TCF12: variants seen among roughly 807,000 people sequenced by gnomAD.
The protein encoded by TCF12 is DNA-binding protein HTF4.
In TCF12, 45 loss-of-function variants were observed where a neutral mutation model predicts 86.0. That is an observed-to-expected ratio of 0.52 (90% CI 0.41 to 0.67). The LOEUF is 0.67. Among genes scored for constraint, TCF12 ranks in the 30% least tolerant of loss-of-function variants. TCF12 has a pLI of 0.00. For missense variants in TCF12, 881 were observed against 859.9 expected, an observed-to-expected ratio of 1.02 and a Z score of -0.31; for synonymous variants, 330 against 299.6, an observed-to-expected ratio of 1.10 and a Z score of -1.05.
chr15:57,232,375 C>T lies in TCF12; in HGVS notation c.770C>T (p.Thr257Ile), dbSNP rs578210704. The T allele has an allele frequency of 6.2e-7, 1 of 1,613,700 alleles. No homozygotes were observed. The highest frequency in any genetic ancestry group is 1.7e-5 in the Admixed American group (1 of 59,942). The change falls in exon 10 of 21, where the codon ACT becomes ATT. Residue 257 changes from threonine to isoleucine, a missense_variant. Around this residue, in one of 3 missense-constraint regions of TCF12, gnomAD observed 766 missense variants for 718.9 expected, o/e 1.07. Coordinates refer to ENST00000333725, the MANE Select transcript of TCF12 (RefSeq NM_207037.2). ...TTTGGTGGAATTCTGGGGACCTCCACTTCCCACATGTCTCAATCCAGTAGT... is the reference window on the plus strand; with the variant it reads ...TTTGGTGGAATTCTGGGGACCTCCATTTCCCACATGTCTCAATCCAGTAGT... ...PGFGGILGTS[T>I]SHMSQSSSYG... is the part of the protein sequence containing the mutation.
intron 3 of TCF12, among the ~76,000 whole-genome samples, chr15:57,040,239 T>C (rs1396278202): frequency 6.6e-6 from 1 of 152,230 alleles, no homozygotes. Context: ...TTCTGAACCA[T>C]TAATTTATCG....
At chr15:57,219,578 C>T in intron 8 of TCF12, 1 of 1,613,210 alleles carries the variant, frequency 6.2e-7, no homozygotes, top group Non-Finnish European at 8.5e-7. Context: ...TGTATTACTA[C>T]AATGGGAAAA....
intron 18 of TCF12, among the ~76,000 whole-genome samples, chr15:57,268,738 T>G (rs1190550583): frequency 6.6e-6 from 1 of 152,112 alleles, no homozygotes; most frequent in South Asian, 2.1e-4. Context: ...TCTGATTATG[T>G]AGTCTATTTT....
intron 3 of TCF12, among the ~76,000 whole-genome samples, chr15:57,044,466 A>G (rs1341739953): frequency 2.0e-5 from 3 of 152,174 alleles, no homozygotes; most frequent in African/African-American, 7.2e-5. Context: ...ACTAGTTTTT[A>G]AAATGAACTT....
At chr15:57,058,128 A>T in intron 3 of TCF12, among the ~76,000 whole-genome samples, 1 of 152,200 alleles carries the variant, frequency 6.6e-6, no homozygotes, top group East Asian at 1.9e-4. Flanking sequence ...CCACCATATC[A>T]CTATATAGTT....
chr15:56,993,591 C>T (rs1273027604), intron 3 of TCF12, among the ~76,000 whole-genome samples: 1 of 152,258 alleles, frequency 6.6e-6, no homozygotes. Context: ...TATGAATTCC[C>T]TGAACTATAC....
intron 13 of TCF12, chr15:57,247,542 C>A: frequency 1.1e-6 from 1 of 922,206 alleles, no homozygotes; most frequent in Non-Finnish European, 1.8e-6. Flanking sequence ...GTTATAAAAG[C>A]AAATCCTGTC....
At chr15:57,025,980 C>T (rs1342355241) in intron 3 of TCF12, among the ~76,000 whole-genome samples, 1 of 152,204 alleles carries the variant, frequency 6.6e-6, no homozygotes, top group African/African-American at 2.4e-5. Flanking sequence ...AGTTAAAAAA[C>T]TGGGAATGGG....
intron 13 of TCF12, chr15:57,247,434 C>T (rs2059915717): frequency 1.4e-6 from 1 of 700,472 alleles, no homozygotes; most frequent in African/African-American, 1.7e-5. Flanking sequence ...GACTACATCT[C>T]TTGTTTAGAA....
At chr15:57,223,661 T>TTTTTG (rs2058728192) in intron 8 of TCF12, among the ~76,000 whole-genome samples, 4 of 142,602 alleles carry the variant, frequency 2.8e-5, no homozygotes, top group East Asian at 2.0e-4. Context: ...TTTTTTTTTT[T>TTTTTG]TTTTTTTTTT....
intron 6 of TCF12, among the ~76,000 whole-genome samples, chr15:57,172,170 G>C (rs1486865327): frequency 1.3e-5 from 2 of 152,066 alleles, no homozygotes; most frequent in African/African-American, 4.8e-5. Flanking sequence ...TAATAAAAGA[G>C]TTGATGTATC....
chr15:57,121,094 G>A (rs1163974837), intron 5 of TCF12, among the ~76,000 whole-genome samples: 3 of 152,304 alleles, frequency 2.0e-5, no homozygotes, highest in East Asian at 3.9e-4. Flanking sequence ...GAAACTGAAA[G>A]AAGTAGCATT....
intron 3 of TCF12, among the ~76,000 whole-genome samples, chr15:57,052,648 A>T (rs996694190): frequency 3.3e-5 from 5 of 152,050 alleles, no homozygotes; most frequent in African/African-American, 1.2e-4. Flanking sequence ...AAAAAAAAAA[A>T]AAAACCAAAA....
At chr15:56,975,968 A>G (rs1382237662) in intron 3 of TCF12, among the ~76,000 whole-genome samples, 1 of 151,780 alleles carries the variant, frequency 6.6e-6, no homozygotes, top group African/African-American at 2.4e-5. Context: ...AAAAACTAAT[A>G]GCTTGGCTAA....
At chr15:57,074,002 G>A (rs956364997) in intron 4 of TCF12, among the ~76,000 whole-genome samples, 7 of 151,968 alleles carry the variant, frequency 4.6e-5, no homozygotes, top group Non-Finnish European at 1.0e-4. Context: ...CGCCTGTCTC[G>A]TCCTCCCAAA....
intron 4 of TCF12, among the ~76,000 whole-genome samples, chr15:57,068,124 A>G (rs917868403): frequency 3.9e-5 from 6 of 152,156 alleles, no homozygotes; most frequent in Admixed American, 6.5e-5. Flanking sequence ...TAACTCTGCC[A>G]CTTACTACCT....
intron 18 of TCF12, among the ~76,000 whole-genome samples, chr15:57,263,779 C>A (rs2060702003): frequency 6.6e-6 from 1 of 152,168 alleles, no homozygotes; most frequent in Non-Finnish European, 1.5e-5. Context: ...TGTTACTGAA[C>A]TGAGTGCTGT....
chr15:56,976,127 T>A (rs913644081), intron 3 of TCF12, among the ~76,000 whole-genome samples: 53 of 152,074 alleles, frequency 3.5e-4, no homozygotes, highest in Non-Finnish European at 6.3e-4. Context: ...CATTTTTTTT[T>A]AAAGTGGAAA....
At chr15:57,205,256 T>C (rs2057754803) in intron 8 of TCF12, among the ~76,000 whole-genome samples, 1 of 152,108 alleles carries the variant, frequency 6.6e-6, no homozygotes, top group Admixed American at 6.6e-5. Flanking sequence ...TGAGCCAGGA[T>C]CACGCCACTG....
Sources: gnomAD v4.1 joint callset for allele counts (sites outside exome capture counted in the v4.1 genomes callset) on GRCh38, gnomAD v4.1.1 for gene constraint, gnomAD v4.1.1 regional missense constraint, MANE v1.5 for transcripts, NCBI Gene and HGNC (gene_info 2026-07-23, HGNC 2026-07-21) for gene names.